PVT1: variants seen among roughly 807,000 people sequenced by gnomAD.
The protein encoded by PVT1 is CXCR4/PVT1 fusion.
intron 2 of PVT1, among the ~76,000 whole-genome samples, chr8:127,854,534 C>T (rs757543652): frequency 4.6e-5 from 7 of 152,166 alleles, no homozygotes; most frequent in East Asian, 3.9e-4. Flanking sequence ...CTAGGTCTTT[C>T]GCGCCCTGGT....
At chr8:127,814,446 T>C (rs1422240991) in intron 2 of PVT1, among the ~76,000 whole-genome samples, 1 of 152,212 alleles carries the variant, frequency 6.6e-6, no homozygotes, top group Admixed American at 6.5e-5. Context: ...TAATGAGCAG[T>C]TCCAGCTGCA....
chr8:127,972,871 G>A (rs1461205426), intron 3 of PVT1, among the ~76,000 whole-genome samples: 1 of 152,154 alleles, frequency 6.6e-6, no homozygotes, highest in African/African-American at 2.4e-5. Context: ...CCTAATGTCA[G>A]CCAAGTTTGA....
chr8:128,082,266 C>T (rs1265294836), intron 5 of PVT1, among the ~76,000 whole-genome samples: 2 of 152,296 alleles, frequency 1.3e-5, no homozygotes, highest in South Asian at 2.1e-4. Context: ...GGTTAAGTAA[C>T]TTGTTCGGGG....
chr8:128,087,400 A>T (rs1814272136), intron 5 of PVT1, among the ~76,000 whole-genome samples: 1 of 152,174 alleles, frequency 6.6e-6, no homozygotes, highest in African/African-American at 2.4e-5. Context: ...CCGGAAAATG[A>T]TGCTGCAACC....
intron 4 of PVT1, chr8:128,049,181 T>A: frequency 1.9e-6 from 1 of 531,894 alleles, no homozygotes; most frequent in South Asian, 1.4e-5. Context: ...TGGGAGGGGC[T>A]GGCTGGGTCT....
chr8:127,896,011 G>A (rs1440270705), intron 3 of PVT1, among the ~76,000 whole-genome samples: 1 of 152,138 alleles, frequency 6.6e-6, no homozygotes, highest in Admixed American at 6.5e-5. Context: ...TCTTTCAAAG[G>A]CAGAAACTCC....
chr8:127,967,933 A>T (rs1479391539), intron 3 of PVT1, among the ~76,000 whole-genome samples: 1 of 152,192 alleles, frequency 6.6e-6, no homozygotes. Context: ...ATGTGCTTGG[A>T]TGCTGCCTTG....
At chr8:128,003,725 T>C (rs1340554171) in intron 4 of PVT1, among the ~76,000 whole-genome samples, 1 of 152,276 alleles carries the variant, frequency 6.6e-6, no homozygotes, top group Non-Finnish European at 1.5e-5. Context: ...AAATTATAAG[T>C]GAGTTCTTAT....
At chr8:127,802,702 G>A (rs1182951267) in intron 2 of PVT1, among the ~76,000 whole-genome samples, 2 of 152,176 alleles carry the variant, frequency 1.3e-5, no homozygotes, top group Non-Finnish European at 2.9e-5. Flanking sequence ...CTTGGACGAG[G>A]TCAGCATTTA....
chr8:128,038,858 C>T (rs1430097473), intron 4 of PVT1, among the ~76,000 whole-genome samples: 7 of 152,088 alleles, frequency 4.6e-5, no homozygotes, highest in East Asian at 1.9e-4. Flanking sequence ...GGCAGGTCTT[C>T]GGAAGGAGAT....
chr8:127,888,394 A>G (rs1815553161), intron 2 of PVT1, among the ~76,000 whole-genome samples: 1 of 152,182 alleles, frequency 6.6e-6, no homozygotes, highest in Non-Finnish European at 1.5e-5. Flanking sequence ...CTCATGGAAG[A>G]CTTCTTAAAA....
intron 4 of PVT1, among the ~76,000 whole-genome samples, chr8:128,020,292 T>C (rs1425199429): frequency 6.6e-6 from 1 of 152,232 alleles, no homozygotes; most frequent in Admixed American, 6.5e-5. Context: ...TAATTAAGGT[T>C]ACTAATCAAT....
chr8:128,087,518 C>T (rs1019357115), intron 5 of PVT1, among the ~76,000 whole-genome samples: 11 of 152,092 alleles, frequency 7.2e-5, no homozygotes, highest in Admixed American at 1.3e-4. Context: ...CCACAACTGC[C>T]GTTTTAGTTA....
intron 4 of PVT1, among the ~76,000 whole-genome samples, chr8:128,058,831 C>G (rs534806782): frequency 3.3e-5 from 5 of 152,174 alleles, no homozygotes; most frequent in African/African-American, 1.2e-4. Flanking sequence ...GTCCTCGAGC[C>G]CTCCACAGCA....
chr8:128,082,997 A>G (rs562707484), intron 5 of PVT1: 4 of 152,256 alleles, frequency 2.6e-5, no homozygotes, highest in Admixed American at 6.5e-5. Context: ...TATTTCTAAT[A>G]GATATACAGA....
At chr8:127,872,900 T>TTCAG (rs1180219822) in intron 2 of PVT1, among the ~76,000 whole-genome samples, 3 of 152,220 alleles carry the variant, frequency 2.0e-5, no homozygotes, top group African/African-American at 7.2e-5. Flanking sequence ...TGCCCCTTGC[T>TTCAG]TCAGATCTTC....
At chr8:127,889,548 A>G (rs1319817281) in intron 2 of PVT1, among the ~76,000 whole-genome samples, 4 of 151,596 alleles carry the variant, frequency 2.6e-5, no homozygotes, top group African/African-American at 9.7e-5. Flanking sequence ...ACAATAATCT[A>G]CAACTCATAG....
intron 2 of PVT1, among the ~76,000 whole-genome samples, chr8:127,822,739 T>A (rs867223041): frequency 6.6e-6 from 1 of 152,062 alleles, no homozygotes. Flanking sequence ...AAGGACATTG[T>A]GGGCGGGAGA....
Position 127,985,906 on chromosome 8 carries a change from G to C in PVT1, n.783-3256G>C, listed in dbSNP as rs143143589. Among the ~76,000 whole-genome samples the C allele has an allele frequency of 3.4e-3, 516 of 152,254 alleles. 1 individual carries two copies. The highest frequency in any genetic ancestry group is 0.012 in the African/African-American group (493 of 41,540). On this transcript the variant is annotated intron_variant and non_coding_transcript_variant, in intron 3 of 10. Transcript: ENST00000651587. ...CACTGTCTCCTGCCAAGTGGCCAAG[G>C]GCTCCTACCCTAGCCCTTGGTGGCT...
Sources: allele counts gnomAD v4.1 joint callset (sites outside exome capture counted in the v4.1 genomes callset), GRCh38; gene constraint gnomAD v4.1.1; transcripts MANE v1.5; gene names NCBI Gene and HGNC (gene_info 2026-07-23, HGNC 2026-07-21).